The following PRKAR2B variants were observed in gnomAD, a reference collection of about 807,000 sequenced individuals.
The protein encoded by PRKAR2B is cAMP-dependent protein kinase type II-beta regulatory subunit.
Under a neutral mutation model 49.9 loss-of-function variants are expected in PRKAR2B, and 14 were observed. That is an observed-to-expected ratio of 0.28 (90% CI 0.19 to 0.44). The LOEUF (loss-of-function observed/expected upper bound fraction) is 0.44. PRKAR2B is among the 20% of genes least tolerant of loss of function. The pLI is 1.00. For synonymous variants in PRKAR2B, 196 were observed against 197.7 expected (o/e 0.99, Z 0.07); for missense variants, 393 against 537.9 (o/e 0.73, Z 2.67).
chr7:107,128,428 G>A (rs530173892), intron 4 of PRKAR2B, 133 bp downstream of exon 4: 6 of 606,932 alleles, frequency 9.9e-6, no homozygotes, highest in East Asian at 5.7e-5. Flanking sequence ...GCCCCCTTGC[G>A]GATGCTTGAA....
intron 5 of PRKAR2B, 57 bp from the exon 6 acceptor site, chr7:107,146,251 G>A (rs1795890487): frequency 6.5e-7 from 1 of 1,529,316 alleles, no homozygotes; most frequent in African/African-American, 1.4e-5. Context: ...CTGAAATAAT[G>A]TTTTATTTTA....
chr7:107,054,081 G>A (rs1379833465), intron 1 of PRKAR2B, among the ~76,000 whole-genome samples: 1 of 152,186 alleles, frequency 6.6e-6, no homozygotes, highest in Non-Finnish European at 1.5e-5. Flanking sequence ...GTGTGTGGTG[G>A]CTCACAGCCT....
chr7:107,092,245 T>TTGTGTG (rs34502492), intron 2 of PRKAR2B, among the ~76,000 whole-genome samples: 1,908 of 148,366 alleles, frequency 0.013, 31 homozygotes, highest in African/African-American at 0.039. Context: ...AACCATTAAG[T>TTGTGTG]TGTGTGTGTG....
chr7:107,146,619 T>C (rs909019712), intron 6 of PRKAR2B, among the ~76,000 whole-genome samples, 158 bp downstream of exon 6: 2 of 152,176 alleles, frequency 1.3e-5, no homozygotes, highest in Non-Finnish European at 2.9e-5. Flanking sequence ...GCACTAAGAC[T>C]TCACTAAGTC....
chr7:107,145,116 C>G (rs2115650654), intron 5 of PRKAR2B, among the ~76,000 whole-genome samples: 1 of 152,214 alleles, frequency 6.6e-6, no homozygotes, highest in Middle Eastern at 3.4e-3. Flanking sequence ...TGAATTTCTA[C>G]TTTTTAACTT....
chr7:107,079,874 G>A (rs563760086), intron 2 of PRKAR2B, among the ~76,000 whole-genome samples: 58 of 152,300 alleles, frequency 3.8e-4, no homozygotes, highest in African/African-American at 1.4e-3. Context: ...GAGAATGCAA[G>A]GAGGATGGGA....
chr7:107,134,596 C>T (rs1176171725), intron 4 of PRKAR2B, among the ~76,000 whole-genome samples: 3 of 152,110 alleles, frequency 2.0e-5, no homozygotes, highest in Admixed American at 6.5e-5. Context: ...TTACAACTTA[C>T]TGAAAAGCTA....
At chr7:107,127,245 C>T (rs549014891) in intron 3 of PRKAR2B, among the ~76,000 whole-genome samples, 1 of 152,324 alleles carries the variant, frequency 6.6e-6, no homozygotes, top group East Asian at 1.9e-4. Context: ...TGCCCATCAG[C>T]TCTTGTGGTC....
At chr7:107,144,786 C>CTTT (rs11414978) in intron 5 of PRKAR2B, among the ~76,000 whole-genome samples, 2 of 81,918 alleles carry the variant, frequency 2.4e-5, no homozygotes, top group African/African-American at 1.1e-4. Flanking sequence ...TTAAAAGCCA[C>CTTT]TTTTTTTTTT....
intron 1 of PRKAR2B, among the ~76,000 whole-genome samples, chr7:107,059,242 G>A (rs1296278239): frequency 6.6e-6 from 1 of 152,028 alleles, no homozygotes; most frequent in African/African-American, 2.4e-5. Context: ...GAACTCCAGC[G>A]TGGGTGACAG....
chr7:107,114,974 T>C (rs1351057162), intron 2 of PRKAR2B, among the ~76,000 whole-genome samples: 1 of 152,088 alleles, frequency 6.6e-6, no homozygotes, highest in Non-Finnish European at 1.5e-5. Context: ...TTATAATGAA[T>C]CATGGCAATT....
At chr7:107,109,013 G>A (rs1795126135) in intron 2 of PRKAR2B, among the ~76,000 whole-genome samples, 1 of 152,192 alleles carries the variant, frequency 6.6e-6, no homozygotes, top group Non-Finnish European at 1.5e-5. Context: ...CTTGTGGATT[G>A]CTGGCTAGCT....
At chr7:107,159,311 C>G (rs1796153949) in intron 10 of PRKAR2B, 138 bp from the exon 11 acceptor site, 1 of 931,278 alleles carries the variant, frequency 1.1e-6, no homozygotes, top group South Asian at 1.8e-5. Context: ...TATCATTATG[C>G]TTTTTCTTGT....
chr7:107,121,881 T>C, intron 2 of PRKAR2B, 71 bp from the exon 3 acceptor site: 1 of 891,386 alleles, frequency 1.1e-6, no homozygotes, highest in Non-Finnish European at 1.7e-6. Flanking sequence ...TCATTAAGTG[T>C]TAACGATGTA....
At chr7:107,090,301 C>T (rs556090282) in intron 2 of PRKAR2B, among the ~76,000 whole-genome samples, 2 of 152,114 alleles carry the variant, frequency 1.3e-5, no homozygotes, top group Non-Finnish European at 2.9e-5. Context: ...TGAGGAGCAT[C>T]GCCACTGCAG....
chr7:107,098,380 CT>C (rs1252248966), intron 2 of PRKAR2B, among the ~76,000 whole-genome samples: 9 of 152,186 alleles, frequency 5.9e-5, no homozygotes, highest in African/African-American at 2.2e-4. Context: ...AAGGTCTTGT[CT>C]GTACTGTTTA....
intron 2 of PRKAR2B, among the ~76,000 whole-genome samples, chr7:107,105,610 G>C (rs1481899859): frequency 6.6e-6 from 1 of 152,190 alleles, no homozygotes; most frequent in Non-Finnish European, 1.5e-5. Context: ...AGGCTCCTCT[G>C]TGGAGATGGT....
intron 2 of PRKAR2B, among the ~76,000 whole-genome samples, chr7:107,111,567 A>C (rs1795173022): frequency 1.3e-5 from 2 of 152,184 alleles, no homozygotes; most frequent in African/African-American, 2.4e-5. Context: ...AAATAGGGGA[A>C]GAGAACAAGA....
chr7:107,090,491 AC>A (rs1433362832), intron 2 of PRKAR2B, among the ~76,000 whole-genome samples: 2 of 152,118 alleles, frequency 1.3e-5, no homozygotes, highest in Non-Finnish European at 2.9e-5. Context: ...CCCTGACCTC[AC>A]CTGGAGCTAA....
Sources: allele counts gnomAD v4.1 joint callset (sites outside exome capture counted in the v4.1 genomes callset), GRCh38; gene constraint gnomAD v4.1.1; transcripts MANE v1.5; gene names NCBI Gene and HGNC (gene_info 2026-07-23, HGNC 2026-07-21).